Variants in CSGALNACT1 observed in about 807,000 individuals in gnomAD.
CSGALNACT1 encodes the protein beta4GalNAcT-1.
In CSGALNACT1, 52 loss-of-function variants were observed where a neutral mutation model predicts 51.0. The observed-to-expected ratio is 1.02, with a 90% CI of 0.82 to 1.29. The LOEUF is 1.29. Among genes scored for constraint, CSGALNACT1 ranks in the 50% most tolerant of loss-of-function variants. CSGALNACT1 has a pLI of 0.00. For missense variants in CSGALNACT1, 935 were observed against 679.2 expected (o/e 1.38, Z -4.19); for synonymous variants, 341 against 254.4 (o/e 1.34, Z -3.24).
intron 1 of CSGALNACT1, among the ~76,000 whole-genome samples, chr8:19,622,754 A>AG: frequency 6.6e-6 from 1 of 152,198 alleles, no homozygotes; most frequent in Non-Finnish European, 1.5e-5. Flanking sequence ...GCTAATAAAG[A>AG]GGGGGGAAAT....
At chr8:19,612,945 G>GGAAAAAAAAAAAAA in intron 1 of CSGALNACT1, among the ~76,000 whole-genome samples, 1 of 20,882 alleles carries the variant, frequency 4.8e-5, no homozygotes, top group East Asian at 1.3e-3. Context: ...AAAAGCAGCT[G>GGAAAAAAAAAAAAA]GAAAAAAAAA....
At chr8:19,562,449 T>A (rs2040957061) in intron 3 of CSGALNACT1, among the ~76,000 whole-genome samples, 3 of 144,608 alleles carry the variant, frequency 2.1e-5, no homozygotes, top group Admixed American at 6.8e-5. Context: ...AAGCAAAAAC[T>A]GACAAATGGG....
chr8:19,673,492 G>A (rs1270007058), intron 1 of CSGALNACT1, among the ~76,000 whole-genome samples: 2 of 152,180 alleles, frequency 1.3e-5, no homozygotes, highest in African/African-American at 4.8e-5. Flanking sequence ...GGTCTCAGCT[G>A]GCTTCCACAC....
chr8:19,716,255 G>A (rs1297908361), intron 1 of CSGALNACT1, among the ~76,000 whole-genome samples: 1 of 151,986 alleles, frequency 6.6e-6, no homozygotes, highest in Admixed American at 6.6e-5. Flanking sequence ...CTCCCTCCAT[G>A]CTCTGAGCAC....
rs574275463 is a variant in CSGALNACT1, at chr8:19,516,216, C to A, written c.-296-10086G>T. Among the ~76,000 whole-genome samples the A allele has an allele frequency of 3.9e-5, 6 of 152,260 alleles. No individual in the cohort carries two copies. The South Asian group carries it at 1.2e-3, about 32-fold the overall frequency. On this transcript the variant is annotated intron_variant, in intron 3 of 9. Coordinates refer to ENST00000454498, the Ensembl canonical transcript of CSGALNACT1. ...TATCTCATTTAATCCTCAAAACGAT[C>A]CTATGAGCTACATCTTATTAACCCC... is the stretch of plus-strand genomic sequence containing the variant.
intron 1 of CSGALNACT1, among the ~76,000 whole-genome samples, chr8:19,634,096 T>C (rs368045265): frequency 1.3e-5 from 2 of 152,374 alleles, no homozygotes; most frequent in African/African-American, 2.4e-5. Flanking sequence ...CAAAATAAGC[T>C]AGTAAATTTA....
intron 1 of CSGALNACT1, among the ~76,000 whole-genome samples, chr8:19,689,546 T>C (rs1273684065): frequency 6.6e-6 from 1 of 152,224 alleles, no homozygotes; most frequent in African/African-American, 2.4e-5. Context: ...AAATAACTGA[T>C]ACACACGACT....
At chr8:19,676,265 T>C (rs2060184398) in intron 1 of CSGALNACT1, among the ~76,000 whole-genome samples, 2 of 152,026 alleles carry the variant, frequency 1.3e-5, no homozygotes, top group Admixed American at 1.3e-4. Flanking sequence ...ATGACCCAGA[T>C]GTTAGAATTA....
chr8:19,627,075 A>C (rs1295382656), intron 1 of CSGALNACT1, among the ~76,000 whole-genome samples: 1 of 152,216 alleles, frequency 6.6e-6, no homozygotes, highest in African/African-American at 2.4e-5. Flanking sequence ...AGAAATGAAA[A>C]CATTCTCACA....
chr8:19,559,060 A>C (rs1463036061), intron 3 of CSGALNACT1, among the ~76,000 whole-genome samples: 3 of 152,152 alleles, frequency 2.0e-5, no homozygotes, highest in Admixed American at 2.0e-4. Flanking sequence ...AAAAAAGCTT[A>C]ATTTTTATTC....
rs144327975 is a variant in CSGALNACT1 at position 19,601,758 on chromosome 8, A to T, written c.-416+13T>A. Reference sequence around the variant, plus strand: ...TGCAAAGGTTTGTTTCTTGAGTGAAAATGCTCACTTACCTGGGGGTTCAAG... The same window carrying T: ...TGCAAAGGTTTGTTTCTTGAGTGAATATGCTCACTTACCTGGGGGTTCAAG... On this transcript the variant is annotated intron_variant, in intron 2 of 9. Transcript: ENST00000454498. 5.7e-3 allele frequency: 2,567 copies of T among 450,214 alleles called. 19 individuals carry two copies. Among genetic ancestry groups the T allele is most frequent in the Non-Finnish European group, 7.9e-3 (1,789 of 225,386 alleles). The allele number at this position is 450,214 out of a possible 1,614,324, so 27.9% of individuals were successfully genotyped here.
At chr8:19,755,189 G>C (rs183156330) in intron 1 of CSGALNACT1, among the ~76,000 whole-genome samples, 1 of 152,102 alleles carries the variant, frequency 6.6e-6, no homozygotes, top group Non-Finnish European at 1.5e-5. Context: ...AACAGAGCTA[G>C]AGCAACATGA....
At chr8:19,756,721 C>T (rs949344795) in intron 1 of CSGALNACT1, among the ~76,000 whole-genome samples, 1 of 152,190 alleles carries the variant, frequency 6.6e-6, no homozygotes, top group South Asian at 2.1e-4. Flanking sequence ...CACCGGCCAC[C>T]CTCGTCACGC....
At chr8:19,592,069 A>G (rs1026890872) in intron 2 of CSGALNACT1, among the ~76,000 whole-genome samples, 1 of 152,208 alleles carries the variant, frequency 6.6e-6, no homozygotes, top group Non-Finnish European at 1.5e-5. Context: ...TAAAAGAAAA[A>G]AAAAGATTGT....
chr8:19,678,201 T>G (rs2060337654), intron 1 of CSGALNACT1, among the ~76,000 whole-genome samples: 1 of 152,196 alleles, frequency 6.6e-6, no homozygotes, highest in Non-Finnish European at 1.5e-5. Context: ...TCCCAAGTTT[T>G]AGGGAATCAC....
intron 5 of CSGALNACT1, among the ~76,000 whole-genome samples, chr8:19,454,564 G>C (rs565645977): frequency 1.3e-3 from 192 of 152,238 alleles, no homozygotes; most frequent in African/African-American, 4.0e-3. Flanking sequence ...CCAGCTACTC[G>C]GGAGGCTGAG....
At chr8:19,644,620 G>C (rs1250236173) in intron 1 of CSGALNACT1, among the ~76,000 whole-genome samples, 1 of 138,804 alleles carries the variant, frequency 7.2e-6, no homozygotes, top group East Asian at 2.4e-4. Flanking sequence ...TGAGACAGGA[G>C]AATTGCTTGA....
intron 1 of CSGALNACT1, among the ~76,000 whole-genome samples, chr8:19,688,134 T>C (rs897848626): frequency 7.2e-5 from 11 of 152,200 alleles, no homozygotes; most frequent in Admixed American, 5.2e-4. Flanking sequence ...AACAACTCTC[T>C]GACTAGATCA....
intron 2 of CSGALNACT1, among the ~76,000 whole-genome samples, chr8:19,591,913 G>T (rs892335785): frequency 6.6e-6 from 1 of 152,044 alleles, no homozygotes; most frequent in Non-Finnish European, 1.5e-5. Flanking sequence ...CACCTTAATT[G>T]CATCATCAAA....
Sources: gnomAD v4.1 joint callset for allele counts (sites outside exome capture counted in the v4.1 genomes callset) on GRCh38, gnomAD v4.1.1 for gene constraint, MANE v1.5 for transcripts, NCBI Gene and HGNC (gene_info 2026-07-23, HGNC 2026-07-21) for gene names.